UBE2C: variants seen among roughly 807,000 people sequenced by gnomAD.
UBE2C encodes the protein ubiquitin-conjugating enzyme E2 C.
A neutral mutation model predicts 23.5 loss-of-function variants in UBE2C; 16 were observed. The ratio of observed to expected loss-of-function variants is 0.68; its 90% CI spans 0.46 to 1.03. The LOEUF is 1.03. Among genes scored for constraint, UBE2C ranks in the 50% least tolerant of loss-of-function variants. The pLI is 0.00. For missense variants in UBE2C, 192 were observed against 227.6 expected (o/e 0.84, Z 1.01); for synonymous variants, 76 against 91.6 (o/e 0.83, Z 0.97).
chr20:45,815,523 T>A lies in UBE2C; in HGVS notation c.217-18T>A. The A allele has an allele frequency of 6.2e-7, 1 of 1,614,122 alleles. No homozygotes were observed. The highest frequency in any genetic ancestry group is 8.5e-7 in the Non-Finnish European group (1 of 1,180,016). On this transcript the variant is annotated intron_variant, in intron 3 of 5. Coordinates refer to ENST00000356455, the MANE Select transcript of UBE2C (RefSeq NM_007019.4). ...CTGCTGCTGGAGCTTACTCTGCAAC[T>A]GTTTCTCCAAATGCCAGGTATATGA...
rs746129497 is a variant in UBE2C at position 45,815,764 on chromosome 20, C to A, written c.421+19C>A. 6.2e-7 allele frequency: 1 copy of A among 1,611,750 alleles called. No individual in the cohort carries two copies. Among genetic ancestry groups the A allele is most frequent in the East Asian group, 2.2e-5 (1 of 44,836 alleles). The stretch of plus-strand genomic sequence containing the variant: ...CTAGGAGGTGACTTTAGAGACCACC[C>A]CTCCCCTCCATGCAACTTGGGAACC... On this transcript the variant is annotated intron_variant, in intron 4 of 5. Transcript: ENST00000356455.
chr20:45,813,644 C>T (rs986881514), intron 2 of UBE2C, among the ~76,000 whole-genome samples, 180 bp downstream of exon 2: 2 of 151,426 alleles, frequency 1.3e-5, no homozygotes, highest in African/African-American at 2.4e-5. Context: ...TCCATCCCCC[C>T]ACACGAAGTT....
intron 3 of UBE2C, among the ~76,000 whole-genome samples, 193 bp downstream of exon 3, chr20:45,814,663 A>G (rs1265236268): frequency 6.6e-6 from 1 of 152,172 alleles, no homozygotes; most frequent in Non-Finnish European, 1.5e-5. Flanking sequence ...TGCCTATCTT[A>G]GATGTTTACA....
At chr20:45,813,098 A>T in intron 1 of UBE2C, 1 of 1,390,632 alleles carries the variant, frequency 7.2e-7, no homozygotes, top group East Asian at 2.7e-5. Context: ...GCGCTGCCAG[A>T]CTCCTTCCCT....
rs148799246 is a variant in UBE2C at position 45,815,701 on chromosome 20, A to T, written c.377A>T (p.Tyr126Phe). Residue 126 changes from tyrosine (Y) to phenylalanine (F), a missense_variant, in exon 4 of 6, where the codon TAT becomes TTT. Coordinates refer to ENST00000356455, the MANE Select transcript of UBE2C (RefSeq NM_007019.4). Reference protein sequence around the residue: ...DILKEKWSALYDVRTILLSIQ... With the variant: ...DILKEKWSALFDVRTILLSIQ... ...CTGAAGGAAAAGTGGTCTGCCCTGTATGATGTCAGGACCATTCTGCTCTCC... is the reference window on the plus strand; with the variant it reads ...CTGAAGGAAAAGTGGTCTGCCCTGTTTGATGTCAGGACCATTCTGCTCTCC... 6.2e-5 allele frequency: 100 copies of T among 1,614,022 alleles called. 1 individual carries two copies. The highest frequency in any genetic ancestry group is 8.1e-5 in the Non-Finnish European group (95 of 1,180,014).
chr20:45,813,007 GT>G, intron 1 of UBE2C: 1 of 1,429,200 alleles, frequency 7.0e-7, no homozygotes, highest in Non-Finnish European at 9.1e-7. Context: ...CCTTGCGCGG[GT>G]GAGATTCGAG....
chr20:45,816,582 A>G (rs1982579117), intron 5 of UBE2C, 127 bp from the exon 6 acceptor site: 1 of 768,620 alleles, frequency 1.3e-6, no homozygotes, highest in African/African-American at 1.8e-5. Context: ...GGTTGCAGTG[A>G]GCAGACATCA....
chr20:45,813,267 C>T (rs1055500396), intron 1 of UBE2C, 170 bp from the exon 2 acceptor site: 31 of 1,517,618 alleles, frequency 2.0e-5, no homozygotes, highest in African/African-American at 2.8e-5. Flanking sequence ...GGTGAGGACT[C>T]GCTAGGATCG....
chr20:45,815,083 C>T (rs1299818476), intron 3 of UBE2C, among the ~76,000 whole-genome samples: 3 of 151,822 alleles, frequency 2.0e-5, no homozygotes, highest in East Asian at 3.9e-4. Context: ...AAGATCCACC[C>T]GCCTCGGCCT....
chr20:45,816,820 G>C lies in UBE2C; in HGVS notation c.*53G>C. On this transcript the variant is annotated 3_prime_UTR_variant, in exon 6 of 6. Coordinates refer to ENST00000356455, the MANE Select transcript of UBE2C (RefSeq NM_007019.4). The stretch of plus-strand genomic sequence containing the variant: ...CGTCTTTTTAATTTTTCCTTAGATG[G>C]TCTGTCCTTTTTGTGATTTCTGTAT... The C allele has an allele frequency of 6.6e-7, 1 of 1,518,442 alleles. No individual in the cohort carries two copies. Among genetic ancestry groups the C allele is most frequent in the Non-Finnish European group, 9.0e-7 (1 of 1,105,734 alleles). The allele number at this position is 1,518,442 out of a possible 1,614,324, so 94.1% of individuals were successfully genotyped here.
chr20:45,812,900 G>A (rs1982056284), intron 1 of UBE2C, 104 bp downstream of exon 1: 1 of 1,449,754 alleles, frequency 6.9e-7, no homozygotes, highest in Non-Finnish European at 9.1e-7. Flanking sequence ...TCCTGGAGCG[G>A]GAGATCTGCG....
chr20:45,813,066 G>T, intron 1 of UBE2C: 1 of 1,409,558 alleles, frequency 7.1e-7, no homozygotes, highest in South Asian at 1.6e-5. Flanking sequence ...AGACTCTCCC[G>T]AAGGAGAATG....
rs1167323579 is a variant in UBE2C at position 45,812,675 on chromosome 20, C to A, written c.-21C>A. 1.9e-6 allele frequency: 3 copies of A among 1,550,484 alleles called. No homozygotes were observed. The East Asian group carries it at 7.3e-5, about 38-fold the overall frequency. ...GCAGTCGTGTTCTCCGAGTTCCTGT[C>A]TCTCTGCCAACGCCGCCCGGATGGC... On this transcript the variant is annotated 5_prime_UTR_variant, in exon 1 of 6. Coordinates refer to ENST00000356455, the MANE Select transcript of UBE2C (RefSeq NM_007019.4).
intron 1 of UBE2C, 185 bp downstream of exon 1, chr20:45,812,981 TC>T: frequency 1.4e-6 from 2 of 1,431,344 alleles, no homozygotes; most frequent in Non-Finnish European, 1.8e-6. Flanking sequence ...GGCGGAGACT[TC>T]CGGGACTCCC....
rs1186727213 is a variant in UBE2C at position 45,816,689 on chromosome 20, A to G, written c.482-20A>G. The G allele has an allele frequency of 6.2e-7, 1 of 1,611,686 alleles. No individual in the cohort carries two copies. Among genetic ancestry groups the G allele is most frequent in the Admixed American group, 1.7e-5 (1 of 59,562 alleles). On this transcript the variant is annotated intron_variant, in intron 5 of 5. Transcript: ENST00000356455. ...CATCCTGTCTCCATCACTCACTGAG[A>G]CCTGCCTGTTCTCTTCCAGCTTTTA...
intron 2 of UBE2C, 29 bp downstream of exon 2, chr20:45,813,493 C>T (rs781185227): frequency 6.2e-7 from 1 of 1,613,994 alleles, no homozygotes; most frequent in East Asian, 2.2e-5. Context: ...AGAACCCCAG[C>T]CTTCCATCCA....
Position 45,815,549 on chromosome 20 carries a change from A to C in UBE2C, c.225A>C (p.Glu75Asp), listed in dbSNP as rs768695868. The change falls in exon 4 of 6, where the codon GAA becomes GAC. Residue 75 changes from glutamate (E) to aspartate (D), a missense_variant. Coordinates refer to ENST00000356455, the MANE Select transcript of UBE2C (RefSeq NM_007019.4). ...TIHGAAGTVY[E>D]DLRYKLSLEF... ...GTTTCTCCAAATGCCAGGTATATGA[A>C]GACCTGAGGTATAAGCTCTCGCTAG... 4 of 1,613,998 alleles carry C rather than the reference A, an allele frequency of 2.5e-6. No homozygotes were observed. Among genetic ancestry groups the C allele is most frequent in the Non-Finnish European group, 2.5e-6 (3 of 1,179,968 alleles).
At chr20:45,813,292 T>G in intron 1 of UBE2C, 145 bp from the exon 2 acceptor site, 1 of 1,547,714 alleles carries the variant, frequency 6.5e-7, no homozygotes, top group African/African-American at 1.4e-5. Context: ...GTGGATCTGG[T>G]GAGTATACCC....
rs571249783 is a variant in UBE2C at position 45,814,392 on chromosome 20, C to T, written c.138C>T (p.Gly46=). ...QQELMTLMMS[G]DKGISAFPES... ...ATGTGTTTTCTCCCCAGATGTCTGG[C>T]GATAAAGGGATTTCTGCCTTCCCTG... The change falls in exon 3 of 6, where the codon GGC becomes GGT. Residue 46 remains glycine (G), a synonymous_variant. Coordinates refer to ENST00000356455, the MANE Select transcript of UBE2C (RefSeq NM_007019.4). 97 of 1,606,188 alleles carry T rather than the reference C, an allele frequency of 6.0e-5. 1 individual carries two copies. In the South Asian group the frequency reaches 9.8e-4, roughly 16 times the overall value.
Sources: allele counts gnomAD v4.1 joint callset (sites outside exome capture counted in the v4.1 genomes callset), GRCh38; gene constraint gnomAD v4.1.1; transcripts MANE v1.5; gene names NCBI Gene and HGNC (gene_info 2026-07-23, HGNC 2026-07-21).